The following LOC128092253 variants were observed in gnomAD, a reference collection of about 807,000 sequenced individuals.
chr6:133,961,465 C>CTTTTTTTTTTTTTTTTTTTT, the LOC128092253 span, among the ~76,000 whole-genome samples: 2 of 100,210 alleles, frequency 2.0e-5, no homozygotes, highest in Non-Finnish European at 4.0e-5. Flanking sequence ...TTCTTTCTTT[C>CTTTTTTTTTTTTTTTTTTTT]TTTTTTTTTT....
chr6:133,977,415 T>C, the LOC128092253 span, among the ~76,000 whole-genome samples: 1,283 of 152,310 alleles, frequency 8.4e-3, 37 homozygotes, highest in Admixed American at 0.062. Context: ...ACACAGATTT[T>C]CTTTACCCCT....
chr6:133,967,978 G>T, the LOC128092253 span, among the ~76,000 whole-genome samples: 12 of 151,440 alleles, frequency 7.9e-5, no homozygotes, highest in East Asian at 9.7e-4. Flanking sequence ...GAAAAAAGCA[G>T]TTATCACTGT....
the LOC128092253 span, among the ~76,000 whole-genome samples, chr6:133,970,512 T>C: frequency 6.6e-6 from 1 of 152,162 alleles, no homozygotes; most frequent in African/African-American, 2.4e-5. Context: ...CTTAAACAGC[T>C]GTTAGAAATT....
At chr6:133,955,955 A>T in the LOC128092253 span, among the ~76,000 whole-genome samples, 2 of 152,236 alleles carry the variant, frequency 1.3e-5, no homozygotes, top group African/African-American at 2.4e-5. Context: ...ATGAAGTAGA[A>T]CAAATATTTA....
At chr6:133,965,828 T>A in the LOC128092253 span, among the ~76,000 whole-genome samples, 8 of 152,180 alleles carry the variant, frequency 5.3e-5, no homozygotes, top group African/African-American at 1.9e-4. Flanking sequence ...AAAGGAGATA[T>A]AATAATAGTA....
At chr6:133,977,216 T>C in the LOC128092253 span, among the ~76,000 whole-genome samples, 1 of 152,174 alleles carries the variant, frequency 6.6e-6, no homozygotes, top group Admixed American at 6.5e-5. Flanking sequence ...CTTTTTATAT[T>C]GCATCTTTAA....
At chr6:133,970,448 C>G in the LOC128092253 span, among the ~76,000 whole-genome samples, 1 of 152,130 alleles carries the variant, frequency 6.6e-6, no homozygotes, top group Non-Finnish European at 1.5e-5. Flanking sequence ...TAATACAGTA[C>G]ATTTTGAACC....
the LOC128092253 span, among the ~76,000 whole-genome samples, chr6:133,969,396 T>C: frequency 2.0e-5 from 3 of 152,060 alleles, no homozygotes; most frequent in African/African-American, 7.2e-5. Context: ...ATTATTCACA[T>C]GAATGCTACC....
chr6:133,977,598 A>C, the LOC128092253 span, among the ~76,000 whole-genome samples: 1 of 152,224 alleles, frequency 6.6e-6, no homozygotes, highest in South Asian at 2.1e-4. Flanking sequence ...GTTGATTCGC[A>C]TGAAGTTTCT....
At chr6:133,972,055 T>G in the LOC128092253 span, among the ~76,000 whole-genome samples, 3 of 152,352 alleles carry the variant, frequency 2.0e-5, no homozygotes, top group South Asian at 6.2e-4. Context: ...TAGAATAGAT[T>G]ATCCAAATTT....
At chr6:133,965,880 T>C in the LOC128092253 span, among the ~76,000 whole-genome samples, 1 of 152,226 alleles carries the variant, frequency 6.6e-6, no homozygotes. Context: ...CATGTGCAAG[T>C]ACTGTGCCAA....
chr6:133,957,663 A>G, the LOC128092253 span, among the ~76,000 whole-genome samples: 15 of 152,336 alleles, frequency 9.8e-5, no homozygotes, highest in East Asian at 2.5e-3. Flanking sequence ...CTCTGGATGC[A>G]GGCAGCCTGT....
the LOC128092253 span, among the ~76,000 whole-genome samples, chr6:133,974,942 T>C: frequency 1.3e-5 from 2 of 152,200 alleles, no homozygotes; most frequent in Admixed American, 1.3e-4. Context: ...CATATCCAAC[T>C]TCAGTCACAC....
At chr6:133,975,629 A>G in the LOC128092253 span, among the ~76,000 whole-genome samples, 8 of 152,350 alleles carry the variant, frequency 5.3e-5, no homozygotes, top group Admixed American at 4.6e-4. Context: ...AATTCTACCC[A>G]ATAACTAAAT....
the LOC128092253 span, among the ~76,000 whole-genome samples, chr6:133,955,069 T>A: frequency 7.9e-5 from 12 of 152,136 alleles, no homozygotes; most frequent in African/African-American, 2.7e-4. Flanking sequence ...GATTAATGAA[T>A]CAAAGACTGT....
chr6:133,956,137 A>G, the LOC128092253 span, among the ~76,000 whole-genome samples: 10 of 152,214 alleles, frequency 6.6e-5, no homozygotes, highest in African/African-American at 2.2e-4. Flanking sequence ...CTGTTTCATC[A>G]TAGACCATGT....
At chr6:133,972,007 A>G in the LOC128092253 span, among the ~76,000 whole-genome samples, 2 of 152,188 alleles carry the variant, frequency 1.3e-5, no homozygotes. Context: ...TGGTGCTAAA[A>G]TACTGTGATA....
the LOC128092253 span, among the ~76,000 whole-genome samples, chr6:133,972,334 A>G: frequency 6.6e-6 from 1 of 152,238 alleles, no homozygotes; most frequent in Non-Finnish European, 1.5e-5. Flanking sequence ...AATATCTTTT[A>G]TACTGATTTG....
At chr6:133,964,272 A>G in the LOC128092253 span, among the ~76,000 whole-genome samples, 2 of 152,104 alleles carry the variant, frequency 1.3e-5, no homozygotes, top group African/African-American at 4.8e-5. Context: ...GCACCCTTCA[A>G]CCAGTTACTC....
Sources: gnomAD v4.1 joint callset for allele counts (sites outside exome capture counted in the v4.1 genomes callset) on GRCh38, gnomAD v4.1.1 for gene constraint, MANE v1.5 for transcripts.